Variants in KCNJ1 observed in about 807,000 individuals in gnomAD.
KCNJ1 encodes potassium inwardly rectifying channel subfamily J member 1.
In KCNJ1, 24 loss-of-function variants were observed where a neutral mutation model predicts 21.9. That is an observed-to-expected ratio of 1.10 (90% CI 0.79 to 1.54). KCNJ1 has a LOEUF of 1.54. Ranked by LOEUF, KCNJ1 falls within the 40% of genes most tolerant of loss-of-function variation. The pLI is 0.00. For synonymous variants in KCNJ1, 152 were observed against 160.9 expected, an observed-to-expected ratio of 0.94 and a Z score of 0.42; for missense variants, 457 against 455.4, an observed-to-expected ratio of 1.00 and a Z score of -0.03.
At chr11:128,855,803 A>T (rs371447873) in intron 1 of KCNJ1, among the ~76,000 whole-genome samples, 3 of 152,322 alleles carry the variant, frequency 2.0e-5, no homozygotes, top group African/African-American at 7.2e-5. Flanking sequence ...AGCAGGGCTG[A>T]GGGGCTCTGA....
chr11:128,842,826 C>T (rs1943309405), intron 2 of KCNJ1, among the ~76,000 whole-genome samples: 2 of 152,206 alleles, frequency 1.3e-5, no homozygotes, highest in Non-Finnish European at 2.9e-5. Flanking sequence ...TATCATCAAT[C>T]TCCCGGCCTA....
intron 2 of KCNJ1, among the ~76,000 whole-genome samples, chr11:128,846,465 A>T (rs1481667500): frequency 6.6e-6 from 1 of 152,138 alleles, no homozygotes; most frequent in Non-Finnish European, 1.5e-5. Flanking sequence ...AATGGGCCAT[A>T]TTGGAGACTA....
chr11:128,856,142 C>T (rs1943585223), intron 1 of KCNJ1, among the ~76,000 whole-genome samples: 1 of 152,186 alleles, frequency 6.6e-6, no homozygotes, highest in Non-Finnish European at 1.5e-5. Context: ...TCTTTGTGTA[C>T]ATGAGGCCCA....
chr11:128,860,540 C>G (rs534286805), intron 1 of KCNJ1, among the ~76,000 whole-genome samples: 1 of 152,278 alleles, frequency 6.6e-6, no homozygotes, highest in East Asian at 1.9e-4. Context: ...GTCAGAGATT[C>G]CAGAAGATTC....
intron 1 of KCNJ1, among the ~76,000 whole-genome samples, chr11:128,861,667 T>C (rs1351631591): frequency 6.6e-6 from 1 of 152,120 alleles, no homozygotes; most frequent in South Asian, 2.1e-4. Flanking sequence ...GTGAGGGCCT[T>C]GTGATAAGAT....
At position 128,839,103 on chromosome 11, in the gene KCNJ1, T is replaced by C. The variant is rs1304610622; in HGVS notation, c.*22A>G. The C allele has an allele frequency of 6.2e-7, 1 of 1,608,674 alleles. No individual in the cohort carries two copies. The highest frequency in any genetic ancestry group is 1.7e-5 in the Admixed American group (1 of 60,016). ...ACTAGGAGCTTTAGAGACTTTGCTTTACTCCCGTTGAAAAGCCACTGTTAC... is the reference window on the plus strand; with the variant it reads ...ACTAGGAGCTTTAGAGACTTTGCTTCACTCCCGTTGAAAAGCCACTGTTAC... On this transcript the variant is annotated 3_prime_UTR_variant, in exon 3 of 3. Coordinates refer to ENST00000392666, the MANE Select transcript of KCNJ1 (RefSeq NM_153766.3).
At position 128,846,759 on chromosome 11, in the gene KCNJ1, T is replaced by A. The variant is rs531066951; in HGVS notation, c.-22+3962A>T. On this transcript the variant is annotated intron_variant, in intron 2 of 2. Coordinates refer to ENST00000392666, the MANE Select transcript of KCNJ1 (RefSeq NM_153766.3). ...CTCTCACCCTAGGATTAGGATTAAC[T>A]AGGATTGGATCTGTGGAAAAGCAGG... is the stretch of plus-strand genomic sequence containing the variant. Among the ~76,000 whole-genome samples the A allele has an allele frequency of 6.8e-4, 104 of 152,198 alleles. No homozygotes were observed. The South Asian group carries it at 6.9e-3, about 10-fold the overall frequency.
chr11:128,849,717 G>T (rs1381397070), intron 2 of KCNJ1, among the ~76,000 whole-genome samples: 3 of 151,904 alleles, frequency 2.0e-5, no homozygotes, highest in African/African-American at 7.3e-5. Flanking sequence ...ACTTTTTTTT[G>T]GAAGCTTCTG....
chr11:128,843,077 A>C lies in KCNJ1; in HGVS notation c.-21-2813T>G, dbSNP rs572709072. Among the ~76,000 whole-genome samples, 5 of 152,342 alleles carry C rather than the reference A, an allele frequency of 3.3e-5. No individual in the cohort carries two copies. The South Asian group carries it at 1.0e-3, about 32-fold the overall frequency. ...TTTACTGAAGGTGTTTTTTACATGCACTGGGTTAGCCAATGCTATTGATTT... is the reference window on the plus strand; with the variant it reads ...TTTACTGAAGGTGTTTTTTACATGCCCTGGGTTAGCCAATGCTATTGATTT... On this transcript the variant is annotated intron_variant, in intron 2 of 2. Coordinates refer to ENST00000392666, the MANE Select transcript of KCNJ1 (RefSeq NM_153766.3).
At chr11:128,861,639 C>A (rs1270629592) in intron 1 of KCNJ1, among the ~76,000 whole-genome samples, 2 of 152,164 alleles carry the variant, frequency 1.3e-5, no homozygotes, top group African/African-American at 4.8e-5. Flanking sequence ...GGCTCGCCTC[C>A]CTGGTGCAAG....
At chr11:128,861,731 C>A (rs1237990659) in intron 1 of KCNJ1, among the ~76,000 whole-genome samples, 1 of 152,146 alleles carries the variant, frequency 6.6e-6, no homozygotes, top group Non-Finnish European at 1.5e-5. Flanking sequence ...CACCGGAACC[C>A]CTCCCAGAAA....
Position 128,840,054 on chromosome 11 carries a change from T to A in KCNJ1, c.190A>T (p.Ile64Phe). The part of the protein sequence containing the change: ...LDLKWRYKMT[I>F]FITAFLGSWF... Reference sequence around the variant, plus strand: ...CTCCCCAAGAAGGCTGTGATGAAAATGGTCATTTTGTATCTCCACTTGAGG... The same window carrying A: ...CTCCCCAAGAAGGCTGTGATGAAAAAGGTCATTTTGTATCTCCACTTGAGG... The change falls in exon 3 of 3, where the codon ATT becomes TTT. Residue 64 changes from isoleucine to phenylalanine, a missense_variant. Physicochemically the swap from Ile to Phe is conservative, Grantham distance 21. Transcript: ENST00000392666. 6.2e-7 allele frequency: 1 copy of A among 1,614,116 alleles called. No individual in the cohort carries two copies. Among genetic ancestry groups the A allele is most frequent in the Non-Finnish European group, 8.5e-7 (1 of 1,180,006 alleles).
At chr11:128,856,689 C>T (rs144320686) in intron 1 of KCNJ1, among the ~76,000 whole-genome samples, 154 of 152,308 alleles carry the variant, frequency 1.0e-3, no homozygotes, top group Middle Eastern at 3.4e-3. Context: ...CACCCACCCC[C>T]GAGTCAAGCA....
rs1395794102 is a variant in KCNJ1, at chr11:128,838,945, T to G, written c.*180A>C. On this transcript the variant is annotated 3_prime_UTR_variant, in exon 3 of 3. Transcript: ENST00000392666. ...AAATGCATTGCACGTTCTAATACAG[T>G]AGCCTTGTGGAGATGCATGTCTTGT... 1.6e-6 allele frequency: 1 copy of G among 627,560 alleles called. No individual in the cohort carries two copies. The highest frequency in any genetic ancestry group is 2.7e-5 in the East Asian group (1 of 36,726). 38.9% of individuals were successfully genotyped at this position (627,560 alleles called of 1,614,324 possible). A position where few individuals can be genotyped will look rare whatever the true frequency, so the allele number is the denominator to read the frequency against.
At chr11:128,849,659 T>C (rs1423366352) in intron 2 of KCNJ1, among the ~76,000 whole-genome samples, 3 of 152,142 alleles carry the variant, frequency 2.0e-5, no homozygotes, top group Non-Finnish European at 4.4e-5. Context: ...ATCAACAGAA[T>C]TAAGAAGCAG....
chr11:128,862,251 C>T (rs1490736779), intron 1 of KCNJ1, among the ~76,000 whole-genome samples: 1 of 152,164 alleles, frequency 6.6e-6, no homozygotes, highest in Non-Finnish European at 1.5e-5. Context: ...GGGTTTTCTC[C>T]ACTCTCTGGC....
chr11:128,864,529 G>A (rs2855794), intron 1 of KCNJ1, among the ~76,000 whole-genome samples: 58,576 of 151,680 alleles, frequency 0.39, 12,256 homozygotes, highest in African/African-American at 0.55. Context: ...CCACATAATC[G>A]AGCCAACCAC....
rs117795695 is a variant in KCNJ1, at chr11:128,839,037, C to T, written c.*88G>A. Reference sequence around the variant, plus strand: ...ACTTTGAAGGCTCTCATCCTACTTTCGTACCCCTAAATTGTTGACTGCTTC... The same window carrying T: ...ACTTTGAAGGCTCTCATCCTACTTTTGTACCCCTAAATTGTTGACTGCTTC... On this transcript the variant is annotated 3_prime_UTR_variant, in exon 3 of 3. Transcript: ENST00000392666. 5.4e-4 allele frequency: 652 copies of T among 1,212,174 alleles called. 5 individuals are homozygous for T. In the East Asian group the frequency reaches 0.011, roughly 20 times the overall value. The allele number at this position is 1,212,174 out of a possible 1,614,324, so 75.1% of individuals were successfully genotyped here.
chr11:128,844,704 TG>T (rs1163686070), intron 2 of KCNJ1, among the ~76,000 whole-genome samples: 4 of 152,210 alleles, frequency 2.6e-5, no homozygotes, highest in African/African-American at 9.6e-5. Context: ...ATTCAGAATT[TG>T]GGATTTCTTA....
Sources: gnomAD v4.1 joint callset for allele counts (sites outside exome capture counted in the v4.1 genomes callset) on GRCh38, gnomAD v4.1.1 for gene constraint, MANE v1.5 for transcripts, NCBI Gene and HGNC (gene_info 2026-07-23, HGNC 2026-07-21) for gene names.